The following EPB41L2 variants were observed in gnomAD, a reference collection of about 807,000 sequenced individuals.
EPB41L2 encodes band 4.1-like protein 2.
EPB41L2 carries 43 observed loss-of-function variants against 113.0 expected under a neutral mutation model. The ratio of observed to expected loss-of-function variants is 0.38; its 90% confidence interval spans 0.30 to 0.49. EPB41L2 has a LOEUF of 0.49. Ranked by LOEUF, EPB41L2 falls within the 20% of genes least tolerant of loss-of-function variation. The pLI, the probability that EPB41L2 is intolerant of heterozygous loss-of-function variation, is 0.95. For synonymous variants in EPB41L2, 442 were observed against 436.7 expected (o/e 1.01, Z -0.15); for missense variants, 1,147 against 1,223.4 (o/e 0.94, Z 0.93).
chr6:130,945,816 T>C (rs565202931), intron 3 of EPB41L2, among the ~76,000 whole-genome samples: 46 of 152,214 alleles, frequency 3.0e-4, no homozygotes, highest in African/African-American at 1.1e-3. Flanking sequence ...CTAAACCTTA[T>C]TGTTTTTTTC....
intron 1 of EPB41L2, among the ~76,000 whole-genome samples, chr6:130,959,106 C>T (rs757667651): frequency 6.6e-6 from 1 of 152,008 alleles, no homozygotes; most frequent in Non-Finnish European, 1.5e-5. Context: ...ACTTGATGTC[C>T]GGGCTGAATA....
chr6:130,884,408 T>C (rs1790270104), intron 12 of EPB41L2, among the ~76,000 whole-genome samples: 1 of 152,210 alleles, frequency 6.6e-6, no homozygotes. Context: ...TTATCTGTGC[T>C]TACTTCCAAT....
chr6:130,858,983 A>T (rs1287918472), intron 18 of EPB41L2, among the ~76,000 whole-genome samples: 1 of 152,238 alleles, frequency 6.6e-6, no homozygotes, highest in Admixed American at 6.5e-5. Flanking sequence ...GCCTGTGAGC[A>T]GCAGGATAGG....
intron 1 of EPB41L2, among the ~76,000 whole-genome samples, chr6:130,976,392 A>G (rs891779042): frequency 1.3e-5 from 2 of 152,220 alleles, no homozygotes; most frequent in Non-Finnish European, 2.9e-5. Flanking sequence ...CGTCACCTGC[A>G]AAGTTTCTTC....
At chr6:130,966,136 C>T (rs146676455) in intron 1 of EPB41L2, among the ~76,000 whole-genome samples, 1 of 152,216 alleles carries the variant, frequency 6.6e-6, no homozygotes, top group African/African-American at 2.4e-5. Flanking sequence ...CTGCAGGCCA[C>T]AGGTTGGACA....
rs1456995262 is a variant in EPB41L2 at position 131,063,187 on chromosome 6, T to G, written c.-47A>C. 6.5e-6 allele frequency: 1 copy of G among 152,686 alleles called. No individual in the cohort carries two copies. The highest frequency in any genetic ancestry group is 2.4e-5 in the African/African-American group (1 of 41,360). The allele number at this position is 152,686 out of a possible 1,614,324, so 9.5% of individuals were successfully genotyped here. A position where few individuals can be genotyped will look rare whatever the true frequency, so the allele number is the denominator to read the frequency against. The stretch of plus-strand genomic sequence containing the variant: ...GCTCGCTCGCCGCGGGACCCGTCCC[T>G]CTTCAGTCCCAGCCGCCGGCAGCCG... On this transcript the variant is annotated 5_prime_UTR_variant, in exon 1 of 20. Transcript: ENST00000337057.
At chr6:130,930,142 G>C (rs1393458388) in intron 3 of EPB41L2, among the ~76,000 whole-genome samples, 1 of 152,102 alleles carries the variant, frequency 6.6e-6, no homozygotes, top group African/African-American at 2.4e-5. Flanking sequence ...CAGACACCCT[G>C]AGGAGTCCTG....
At chr6:130,966,467 G>T (rs925280628) in intron 1 of EPB41L2, among the ~76,000 whole-genome samples, 58 of 152,066 alleles carry the variant, frequency 3.8e-4, no homozygotes, top group African/African-American at 1.4e-3. Flanking sequence ...TGAAAGCAAA[G>T]CGTGTGGGAG....
chr6:130,918,858 T>G (rs746870275), intron 4 of EPB41L2, among the ~76,000 whole-genome samples: 1 of 152,140 alleles, frequency 6.6e-6, no homozygotes, highest in Non-Finnish European at 1.5e-5. Context: ...TAAAACTGCA[T>G]GGGATTTAAA....
At chr6:130,983,519 CT>C (rs56940825) in intron 1 of EPB41L2, among the ~76,000 whole-genome samples, 1,472 of 137,230 alleles carry the variant, frequency 0.011, 18 homozygotes, top group African/African-American at 0.028. Flanking sequence ...CTACTATAGA[CT>C]TTTTTTTTTT....
chr6:131,034,270 G>C (rs1275559891), intron 1 of EPB41L2, among the ~76,000 whole-genome samples: 1 of 151,404 alleles, frequency 6.6e-6, no homozygotes, highest in African/African-American at 2.4e-5. Context: ...ATTGGGGGTT[G>C]GGGGGGACAG....
chr6:131,059,026 T>C (rs201264387), intron 1 of EPB41L2, among the ~76,000 whole-genome samples: 1 of 150,582 alleles, frequency 6.6e-6, no homozygotes, highest in Non-Finnish European at 1.5e-5. Flanking sequence ...AAAAACAAAA[T>C]AAAAACAACA....
intron 1 of EPB41L2, among the ~76,000 whole-genome samples, chr6:131,023,740 T>TATATATATATATATATATAG (rs1377748039): frequency 5.9e-4 from 13 of 21,920 alleles, no homozygotes; most frequent in African/African-American, 1.2e-3. Context: ...TATATATATC[T>TATATATATATATATATATAG]ATATATCTAT....
chr6:130,915,264 C>A (rs567551871), intron 4 of EPB41L2, among the ~76,000 whole-genome samples: 1 of 152,100 alleles, frequency 6.6e-6, no homozygotes. Context: ...GATCCCGCCA[C>A]TGCACTCCAG....
intron 12 of EPB41L2, among the ~76,000 whole-genome samples, chr6:130,884,174 A>C (rs948715351): frequency 6.6e-6 from 1 of 152,082 alleles, no homozygotes; most frequent in African/African-American, 2.4e-5. Context: ...GTCTCTCTAA[A>C]AATACAAAAT....
intron 19 of EPB41L2, among the ~76,000 whole-genome samples, chr6:130,846,770 T>C (rs1285162476): frequency 6.6e-6 from 1 of 152,204 alleles, no homozygotes; most frequent in East Asian, 1.9e-4. Flanking sequence ...CTCAAAGGCC[T>C]ACATGCTAAT....
chr6:130,998,320 A>G (rs191593844), intron 1 of EPB41L2, among the ~76,000 whole-genome samples: 3 of 152,354 alleles, frequency 2.0e-5, no homozygotes, highest in Admixed American at 1.3e-4. Flanking sequence ...AAATGGGACA[A>G]GAACTTTCCT....
At position 130,851,317 on chromosome 6, in the gene EPB41L2, T is replaced by C. The variant is rs140561190; in HGVS notation, c.*5+6814A>G. Among the ~76,000 whole-genome samples the C allele has an allele frequency of 1.2e-3, 180 of 152,352 alleles. 1 individual carries two copies. Among genetic ancestry groups the C allele is most frequent in the African/African-American group, 4.3e-3 (179 of 41,580 alleles). On this transcript the variant is annotated intron_variant, in intron 19 of 19. Coordinates refer to ENST00000337057, the MANE Select transcript of EPB41L2 (RefSeq NM_001431.4). ...TAATGTTAATTTCCTGTTTGGCTTA[T>C]GAGTTCATGTTTTGAAACCCTGCAC...
chr6:130,993,602 C>T (rs966552916), intron 1 of EPB41L2, among the ~76,000 whole-genome samples: 1 of 152,162 alleles, frequency 6.6e-6, no homozygotes, highest in Non-Finnish European at 1.5e-5. Flanking sequence ...AGTACCCAGA[C>T]GGCCTCCCTC....
Sources: gnomAD v4.1 joint callset for allele counts (sites outside exome capture counted in the v4.1 genomes callset) on GRCh38, gnomAD v4.1.1 for gene constraint, MANE v1.5 for transcripts, NCBI Gene and HGNC (gene_info 2026-07-23, HGNC 2026-07-21) for gene names.